Variants in AKAP9 observed in about 807,000 individuals in gnomAD.
The protein encoded by AKAP9 is A-kinase anchor protein 9.
Under a neutral mutation model 488.5 loss-of-function variants are expected in AKAP9, and 311 were observed. The ratio of observed to expected loss-of-function variants is 0.64; its 90% CI spans 0.58 to 0.70. The LOEUF is 0.70. Ranked by LOEUF, AKAP9 falls within the 30% of genes least tolerant of loss-of-function variation. The pLI is 0.00. For synonymous variants in AKAP9, 1,462 were observed against 1,483.5 expected, an observed-to-expected ratio of 0.99 and a Z score of 0.33; for missense variants, 4,215 against 4,374.5, an observed-to-expected ratio of 0.96 and a Z score of 1.03.
chr7:92,107,008 G>A (rs1163053187), intron 47 of AKAP9, among the ~76,000 whole-genome samples: 1 of 152,134 alleles, frequency 6.6e-6, no homozygotes, highest in African/African-American at 2.4e-5. Context: ...TCTACTTAGA[G>A]CTAAGGTCTT....
chr7:91,995,485 C>G, intron 6 of AKAP9, 118 bp from the exon 7 acceptor site: 1 of 825,988 alleles, frequency 1.2e-6, no homozygotes, highest in Non-Finnish European at 1.9e-6. Flanking sequence ...AGCATGTTTG[C>G]TAGGGTCTCA....
At chr7:92,080,299 T>A (rs1256911308) in intron 31 of AKAP9, 147 bp downstream of exon 31, 1 of 776,076 alleles carries the variant, frequency 1.3e-6, no homozygotes, top group East Asian at 2.9e-5. Flanking sequence ...AAATAAACTC[T>A]TGTTAAAAGA....
intron 46 of AKAP9, among the ~76,000 whole-genome samples, chr7:92,105,207 T>G (rs1004880983): frequency 2.0e-5 from 3 of 152,096 alleles, no homozygotes; most frequent in African/African-American, 7.2e-5. Context: ...GAAACCAACG[T>G]TTTTTTGTCC....
chr7:91,977,469 T>C (rs1373938677), intron 2 of AKAP9, among the ~76,000 whole-genome samples: 1 of 152,080 alleles, frequency 6.6e-6, no homozygotes, highest in Non-Finnish European at 1.5e-5. Context: ...GGCAGGAGAA[T>C]GGCATGAACC....
At chr7:92,105,599 C>A (rs532851043) in intron 46 of AKAP9, 79 bp from the exon 47 acceptor site, 2 of 1,001,730 alleles carry the variant, frequency 2.0e-6, no homozygotes, top group African/African-American at 1.6e-5. Context: ...CATATTTAAA[C>A]GTGTGATGTG....
At chr7:91,946,822 T>C (rs1194929382) in intron 1 of AKAP9, among the ~76,000 whole-genome samples, 1 of 152,148 alleles carries the variant, frequency 6.6e-6, no homozygotes, top group Non-Finnish European at 1.5e-5. Context: ...GTGATTGAAA[T>C]ATGACAAGAA....
chr7:92,058,135 C>A, intron 22 of AKAP9: 2 of 554,486 alleles, frequency 3.6e-6, no homozygotes, highest in East Asian at 3.7e-5. Context: ...ATTGATAAAG[C>A]AAATTAGGAA....
intron 47 of AKAP9, 106 bp downstream of exon 47, chr7:92,105,869 G>GC (rs1250291056): frequency 9.9e-7 from 1 of 1,007,456 alleles, no homozygotes; most frequent in Non-Finnish European, 1.6e-6. Context: ...TAGGAACCAG[G>GC]CCGCACAGCA....
intron 1 of AKAP9, among the ~76,000 whole-genome samples, chr7:91,967,399 C>G (rs1794549455): frequency 6.6e-6 from 1 of 152,120 alleles, no homozygotes; most frequent in Non-Finnish European, 1.5e-5. Context: ...AGAGGAAAGG[C>G]TTTTAATTTT....
intron 1 of AKAP9, among the ~76,000 whole-genome samples, chr7:91,971,982 CTTTTTTTTTTT>C (rs71107846): frequency 1.1e-5 from 1 of 91,890 alleles, no homozygotes; most frequent in Non-Finnish European, 2.0e-5. Context: ...TTTTGCCTCT[CTTTTTTTTTTT>C]TTTTTTTTTG....
intron 14 of AKAP9, among the ~76,000 whole-genome samples, chr7:92,024,756 G>A (rs1012010213): frequency 1.3e-5 from 2 of 152,020 alleles, no homozygotes; most frequent in African/African-American, 2.4e-5. Context: ...ATTGTAGCGC[G>A]GATGTCTTCC....
intron 39 of AKAP9, among the ~76,000 whole-genome samples, 181 bp downstream of exon 39, chr7:92,093,497 G>A (rs1024697831): frequency 6.6e-6 from 1 of 152,070 alleles, no homozygotes; most frequent in East Asian, 1.9e-4. Flanking sequence ...ACTTATGATC[G>A]TGATTATAGC....
chr7:92,008,338 G>C (rs1800210220), intron 8 of AKAP9, among the ~76,000 whole-genome samples: 1 of 151,814 alleles, frequency 6.6e-6, no homozygotes, highest in African/African-American at 2.4e-5. Flanking sequence ...CTGCACTCCA[G>C]CCTAGGCGAC....
At chr7:92,080,275 AT>A in intron 31 of AKAP9, 123 bp downstream of exon 31, 1 of 832,888 alleles carries the variant, frequency 1.2e-6, no homozygotes, top group Non-Finnish European at 1.8e-6. Context: ...TTATAAAAAT[AT>A]ACCACTTATA....
chr7:91,988,272 T>G (rs1245469853), intron 3 of AKAP9, among the ~76,000 whole-genome samples: 2 of 134,578 alleles, frequency 1.5e-5, no homozygotes, highest in Non-Finnish European at 3.1e-5. Context: ...CACTCCAGCC[T>G]TGGTGACAGA....
In AKAP9 at chr7:92,014,277, C is replaced by T; in HGVS notation, c.3561C>T (p.Leu1187=). ...TGDEGKPLHL[L]IGKLQKAVSE... Reference sequence around the variant, plus strand: ...ATGAAGGAAAGCCTTTACATCTGCTCATTGGAAAACTTCAAAAGGCAGTGT... The same window carrying T: ...ATGAAGGAAAGCCTTTACATCTGCTTATTGGAAAACTTCAAAAGGCAGTGT... Residue 1187 remains leucine, a synonymous_variant, in exon 10 of 50, where the codon CTC becomes CTT. Transcript: ENST00000356239. 6.2e-7 allele frequency: 1 copy of T among 1,613,186 alleles called. No homozygotes were observed. Among genetic ancestry groups the T allele is most frequent in the East Asian group, 2.2e-5 (1 of 44,876 alleles).
At chr7:91,993,683 ATTTCATTAAC>A (rs2130640333) in intron 5 of AKAP9, among the ~76,000 whole-genome samples, 1 of 152,344 alleles carries the variant, frequency 6.6e-6, no homozygotes, top group South Asian at 2.1e-4. Context: ...TAAAAGTAGG[ATTTCATTAAC>A]AGGGTTAATA....
chr7:91,941,149 T>C lies in AKAP9; in HGVS notation c.48+2T>C, dbSNP rs768833034. ...AAGCTGGAGGCCGGCAAAGCCAAGGTAGGAGAGCCCGAGGCAACCGGGCCT... is the reference window on the plus strand; with the variant it reads ...AAGCTGGAGGCCGGCAAAGCCAAGGCAGGAGAGCCCGAGGCAACCGGGCCT... On this transcript the variant is annotated splice_donor_variant, in intron 1 of 49. Transcript: ENST00000356239. LOFTEE classifies it high-confidence loss of function. The C allele has an allele frequency of 6.2e-7, 1 of 1,613,676 alleles. No homozygotes were observed. The highest frequency in any genetic ancestry group is 1.1e-5 in the South Asian group (1 of 91,070).
At chr7:91,944,411 T>G (rs1791166625) in intron 1 of AKAP9, among the ~76,000 whole-genome samples, 1 of 152,046 alleles carries the variant, frequency 6.6e-6, no homozygotes, top group Non-Finnish European at 1.5e-5. Flanking sequence ...TTTTTTTTTT[T>G]TGAGACAGCC....
Sources: allele counts gnomAD v4.1 joint callset (sites outside exome capture counted in the v4.1 genomes callset), GRCh38; gene constraint gnomAD v4.1.1; transcripts MANE v1.5; gene names NCBI Gene and HGNC (gene_info 2026-07-23, HGNC 2026-07-21).